The following TTC39B variants were observed in gnomAD, a reference collection of about 807,000 sequenced individuals.
TTC39B encodes tetratricopeptide repeat domain 39B.
In TTC39B, 92 loss-of-function variants were observed where a neutral mutation model predicts 96.6. The ratio of observed to expected loss-of-function variants is 0.95; its 90% confidence interval spans 0.80 to 1.13. The LOEUF (loss-of-function observed/expected upper bound fraction) is 1.13, where lower values mean the gene tolerates loss of function less well. Ranked by LOEUF, TTC39B falls within the 50% of genes most tolerant of loss-of-function variation. The pLI, the probability that TTC39B is intolerant of heterozygous loss-of-function variation, is 0.00. For synonymous variants in TTC39B, 367 were observed against 299.4 expected (o/e 1.23, Z -2.33); for missense variants, 955 against 809.3 (o/e 1.18, Z -2.18).
At chr9:15,245,355 A>G (rs1470502147) in intron 2 of TTC39B, among the ~76,000 whole-genome samples, 1 of 152,240 alleles carries the variant, frequency 6.6e-6, no homozygotes, top group African/African-American at 2.4e-5. Context: ...GAAGGAGCAT[A>G]TAAATATTCG....
At position 15,257,815 on chromosome 9, in the gene TTC39B, T is replaced by G. The variant is rs575337185; in HGVS notation, c.275+10099A>C. Among the ~76,000 whole-genome samples the G allele has an allele frequency of 2.4e-3, 359 of 151,622 alleles. 5 individuals carry two copies. The highest frequency in any genetic ancestry group is 6.3e-3 in the East Asian group (32 of 5,112). ...TGGCTCACGCCTGTAATCCCAGCAC[T>G]TTGGGAGTCCGAGGTGGGTGGATCA... On this transcript the variant is annotated intron_variant, in intron 2 of 19. Coordinates refer to ENST00000512701, the Ensembl canonical transcript of TTC39B.
At chr9:15,203,752 G>T in intron 7 of TTC39B, 71 bp downstream of exon 7, 1 of 1,224,358 alleles carries the variant, frequency 8.2e-7, no homozygotes, top group Non-Finnish European at 1.2e-6. Context: ...GACATAGAAT[G>T]CACCACATTT....
At chr9:15,192,758 C>A (rs1818931886) in intron 8 of TTC39B, 63 bp from the exon 9 acceptor site, 4 of 1,104,836 alleles carry the variant, frequency 3.6e-6, no homozygotes, top group South Asian at 2.7e-5. Context: ...AATATTAAAT[C>A]AAATTTTACA....
At chr9:15,298,661 T>G (rs36086967) in intron 1 of TTC39B, among the ~76,000 whole-genome samples, 24,125 of 152,100 alleles carry the variant, frequency 0.16, 3,462 homozygotes, top group African/African-American at 0.39. Context: ...GGGGATTATG[T>G]GAGCTATGAC....
intron 3 of TTC39B, among the ~76,000 whole-genome samples, chr9:15,220,026 C>T (rs1377438592): frequency 1.3e-5 from 2 of 152,184 alleles, no homozygotes; most frequent in African/African-American, 4.8e-5. Flanking sequence ...CTGACTCTTG[C>T]ATCAATATTT....
At chr9:15,175,792 G>A (rs1817903689) in intron 18 of TTC39B, among the ~76,000 whole-genome samples, 1 of 152,170 alleles carries the variant, frequency 6.6e-6, no homozygotes, top group African/African-American at 2.4e-5. Flanking sequence ...TGAGTCAAGG[G>A]CTTTGTATCC....
exon 20 of TTC39B, chr9:15,167,026 A>ATTTTTTTT (rs1817541466): frequency 8.6e-5 from 1 of 11,586 alleles, no homozygotes; most frequent in Non-Finnish European, 1.4e-4. Context: ...ATATATATAT[A>ATTTTTTTT]TATTTTTTTT....
chr9:15,166,774 C>CT (rs1817524748), exon 20 of TTC39B: 1 of 151,154 alleles, frequency 6.6e-6, no homozygotes, highest in Admixed American at 6.6e-5. Flanking sequence ...TCCTGCATTT[C>CT]TTTGGAAAGA....
At chr9:15,205,670 A>T (rs373804407) in intron 6 of TTC39B, among the ~76,000 whole-genome samples, 1 of 152,184 alleles carries the variant, frequency 6.6e-6, no homozygotes, top group Non-Finnish European at 1.5e-5. Flanking sequence ...CTGGTAACTT[A>T]TTTTTACCCA....
At chr9:15,286,238 C>T (rs1453616480) in intron 1 of TTC39B, among the ~76,000 whole-genome samples, 1 of 152,254 alleles carries the variant, frequency 6.6e-6, no homozygotes, top group Non-Finnish European at 1.5e-5. Flanking sequence ...TCAGTCTAGG[C>T]TCAGCTTTCA....
chr9:15,198,133 A>T (rs1223815676), intron 8 of TTC39B, among the ~76,000 whole-genome samples: 3 of 152,190 alleles, frequency 2.0e-5, no homozygotes, highest in Non-Finnish European at 4.4e-5. Context: ...TGTAGGGTTT[A>T]AAATATATGT....
chr9:15,215,326 G>C lies in TTC39B; in HGVS notation c.372-1077C>G, dbSNP rs143106318. ...TAATCTCAGCACTTTGGGAGGCCAA[G>C]GCAGGTGAATCACTTGAGGTCAGGA... On this transcript the variant is annotated intron_variant, in intron 3 of 19. Coordinates refer to ENST00000512701, the Ensembl canonical transcript of TTC39B. 4.3e-3 allele frequency among the ~76,000 whole-genome samples: 659 copies of C among 152,166 alleles called. 2 individuals carry two copies. Among genetic ancestry groups the C allele is most frequent in the Middle Eastern group, 0.037 (11 of 294 alleles).
intron 6 of TTC39B, among the ~76,000 whole-genome samples, chr9:15,205,446 C>T (rs1819790635): frequency 6.6e-6 from 1 of 151,122 alleles, no homozygotes; most frequent in Non-Finnish European, 1.5e-5. Context: ...GGTTCAAGTT[C>T]CTGCCATGCT....
At chr9:15,273,326 T>A (rs894349809) in intron 1 of TTC39B, among the ~76,000 whole-genome samples, 2 of 152,140 alleles carry the variant, frequency 1.3e-5, no homozygotes, top group African/African-American at 4.8e-5. Flanking sequence ...ATTCACTTCG[T>A]GGTTTGAAAA....
At chr9:15,265,652 G>A (rs1823103589) in intron 2 of TTC39B, among the ~76,000 whole-genome samples, 1 of 152,196 alleles carries the variant, frequency 6.6e-6, no homozygotes, top group Non-Finnish European at 1.5e-5. Flanking sequence ...AAAGGGAGGA[G>A]GGGAAAAAGG....
At chr9:15,225,389 C>T (rs567679527) in intron 3 of TTC39B, among the ~76,000 whole-genome samples, 1 of 152,002 alleles carries the variant, frequency 6.6e-6, no homozygotes, top group Non-Finnish European at 1.5e-5. Flanking sequence ...ATGAACACTT[C>T]TTAAAATATA....
chr9:15,190,481 G>A, intron 11 of TTC39B, 73 bp downstream of exon 11: 1 of 1,373,382 alleles, frequency 7.3e-7, no homozygotes, highest in East Asian at 2.3e-5. Context: ...AAGTAGTTGG[G>A]ATTACAGGTG....
intron 3 of TTC39B, among the ~76,000 whole-genome samples, chr9:15,218,690 A>G (rs1202543369): frequency 1.3e-5 from 2 of 151,756 alleles, no homozygotes; most frequent in East Asian, 1.9e-4. Flanking sequence ...ATACTATATC[A>G]TTATCACTTA....
intron 4 of TTC39B, among the ~76,000 whole-genome samples, chr9:15,211,803 G>C (rs1564351387): frequency 6.6e-6 from 1 of 152,130 alleles, no homozygotes; most frequent in Non-Finnish European, 1.5e-5. Flanking sequence ...AAAAATAAAG[G>C]CTTATATAAA....
Sources: gnomAD v4.1 joint callset for allele counts (sites outside exome capture counted in the v4.1 genomes callset) on GRCh38, gnomAD v4.1.1 for gene constraint, MANE v1.5 for transcripts, NCBI Gene and HGNC (gene_info 2026-07-23, HGNC 2026-07-21) for gene names.